Variants in MBD5 observed in about 807,000 individuals in gnomAD.
MBD5 encodes methyl-CpG-binding domain protein 5.
In MBD5, 13 loss-of-function variants were observed where a neutral mutation model predicts 117.3. That is an observed-to-expected ratio of 0.11 (90% CI 0.07 to 0.18). MBD5 has a LOEUF of 0.18. MBD5 is among the 10% of genes least tolerant of loss of function. MBD5 has a pLI of 1.00. For missense variants in MBD5, 1,879 were observed against 2,093.8 expected (o/e 0.90, Z 2.00); for synonymous variants, 727 against 766.4 (o/e 0.95, Z 0.85).
intron 1 of MBD5, among the ~76,000 whole-genome samples, chr2:148,029,924 A>G (rs534665833): frequency 4.6e-5 from 7 of 152,318 alleles, no homozygotes; most frequent in African/African-American, 1.7e-4. Flanking sequence ...TGCTGGTAAA[A>G]TGCTTTTAAT....
At chr2:148,123,482 G>A (rs965390341) in intron 1 of MBD5, among the ~76,000 whole-genome samples, 4 of 152,174 alleles carry the variant, frequency 2.6e-5, no homozygotes, top group Admixed American at 1.3e-4. Flanking sequence ...AGTCAGAGGT[G>A]ATTCTGAAAT....
chr2:148,275,963 G>A (rs528626701), intron 3 of MBD5, among the ~76,000 whole-genome samples: 72 of 151,662 alleles, frequency 4.7e-4, no homozygotes, highest in Non-Finnish European at 9.0e-4. Context: ...ATATTTTATT[G>A]AAAAATGTTT....
chr2:148,408,895 G>A (rs55942348), intron 4 of MBD5, among the ~76,000 whole-genome samples: 4,776 of 151,816 alleles, frequency 0.031, 115 homozygotes, highest in Admixed American at 0.05. Flanking sequence ...CATTTACATC[G>A]TATTAGATAT....
chr2:148,432,006 CACTT>C (rs1706003865), intron 4 of MBD5, among the ~76,000 whole-genome samples: 1 of 151,324 alleles, frequency 6.6e-6, no homozygotes, highest in African/African-American at 2.4e-5. Flanking sequence ...CGTTAGCACT[CACTT>C]TTCTCCAGAA....
At chr2:148,227,788 C>A (rs1009976866) in intron 2 of MBD5, among the ~76,000 whole-genome samples, 1 of 152,048 alleles carries the variant, frequency 6.6e-6, no homozygotes, top group Non-Finnish European at 1.5e-5. Context: ...CTTTTATTTC[C>A]TTGAGCAGTG....
chr2:148,214,796 C>T (rs900715241), intron 2 of MBD5, among the ~76,000 whole-genome samples: 1 of 152,116 alleles, frequency 6.6e-6, no homozygotes, highest in Non-Finnish European at 1.5e-5. Flanking sequence ...ATGTGAAAAC[C>T]AGGCTATATT....
At chr2:148,161,657 T>C (rs1698011300) in intron 1 of MBD5, among the ~76,000 whole-genome samples, 1 of 152,196 alleles carries the variant, frequency 6.6e-6, no homozygotes, top group African/African-American at 2.4e-5. Context: ...ACTCTTGTTC[T>C]GGTGGATGTT....
At chr2:148,256,941 G>C (rs1700605367) in intron 3 of MBD5, among the ~76,000 whole-genome samples, 1 of 152,204 alleles carries the variant, frequency 6.6e-6, no homozygotes, top group South Asian at 2.1e-4. Flanking sequence ...GGATGTCTGT[G>C]CCATCCCAGT....
chr2:148,152,937 A>G (rs1263198695), intron 1 of MBD5, among the ~76,000 whole-genome samples: 1 of 151,920 alleles, frequency 6.6e-6, no homozygotes, highest in Non-Finnish European at 1.5e-5. Flanking sequence ...TAGTCCATTT[A>G]CATTTAAAGT....
intron 4 of MBD5, among the ~76,000 whole-genome samples, chr2:148,372,949 C>G (rs2105374819): frequency 6.6e-6 from 1 of 152,188 alleles, no homozygotes; most frequent in East Asian, 1.9e-4. Context: ...AGTAATTTAG[C>G]CTTTGAGCAA....
intron 12 of MBD5, 149 bp downstream of exon 12, chr2:148,502,658 A>G: frequency 1.3e-6 from 1 of 747,618 alleles, no homozygotes; most frequent in East Asian, 2.7e-5. Context: ...CATTATAGAC[A>G]AGCCAAATTA....
chr2:148,107,698 A>G (rs1696405363), intron 1 of MBD5, among the ~76,000 whole-genome samples: 1 of 151,732 alleles, frequency 6.6e-6, no homozygotes, highest in African/African-American at 2.4e-5. Flanking sequence ...TTATTTTTGC[A>G]TTATTTCTTG....
intron 1 of MBD5, among the ~76,000 whole-genome samples, chr2:148,110,658 A>G (rs1285822549): frequency 2.0e-5 from 3 of 149,926 alleles, no homozygotes; most frequent in Non-Finnish European, 3.0e-5. Flanking sequence ...TTTTTAATAT[A>G]CTTTCTTGTC....
At chr2:148,059,949 T>G (rs1192942089) in intron 1 of MBD5, among the ~76,000 whole-genome samples, 1 of 151,078 alleles carries the variant, frequency 6.6e-6, no homozygotes, top group East Asian at 2.0e-4. Context: ...GAGATTCTGT[T>G]GGGTGTTTGG....
intron 4 of MBD5, among the ~76,000 whole-genome samples, chr2:148,356,414 T>G (rs1022225007): frequency 6.6e-6 from 1 of 152,124 alleles, no homozygotes; most frequent in African/African-American, 2.4e-5. Context: ...TTCTTAATTT[T>G]TAAAACTACT....
chr2:148,134,243 G>A (rs893800317), intron 1 of MBD5, among the ~76,000 whole-genome samples: 2 of 151,694 alleles, frequency 1.3e-5, no homozygotes, highest in Admixed American at 1.3e-4. Context: ...TAGATCGATC[G>A]ATCTACCGAT....
Position 148,468,885 on chromosome 2 carries a change from G to C in MBD5, c.942G>C (p.Met314Ile). ...TTKSPVMKKP[M>I]CNFSTNMEIP... ...AGAGTCCAGTAATGAAAAAACCAAT[G>C]TGTAATTTTTCAACTAATATGGAAA... The change falls in exon 8 of 14, where the codon ATG (methionine) becomes ATC (isoleucine). Residue 314 changes from methionine (M) to isoleucine (I), a missense_variant. Transcript: ENST00000642680. The C allele has an allele frequency of 6.2e-7, 1 of 1,613,858 alleles. No individual in the cohort carries two copies. Among genetic ancestry groups the C allele is most frequent in the South Asian group, 1.1e-5 (1 of 91,066 alleles).
intron 1 of MBD5, among the ~76,000 whole-genome samples, chr2:148,039,049 A>C (rs1233717620): frequency 6.6e-6 from 1 of 152,134 alleles, no homozygotes; most frequent in Non-Finnish European, 1.5e-5. Flanking sequence ...ATAGTGCAGC[A>C]GACTACAGAC....
intron 1 of MBD5, among the ~76,000 whole-genome samples, chr2:148,121,016 T>C (rs1220890726): frequency 3.9e-5 from 6 of 152,224 alleles, no homozygotes; most frequent in Non-Finnish European, 1.5e-5. Context: ...AATAGATTCG[T>C]CATTTTATAT....
Sources: allele counts gnomAD v4.1 joint callset (sites outside exome capture counted in the v4.1 genomes callset), GRCh38; gene constraint gnomAD v4.1.1; transcripts MANE v1.5; gene names NCBI Gene and HGNC (gene_info 2026-07-23, HGNC 2026-07-21).